Variants in CHD7 observed in about 807,000 individuals in gnomAD.
CHD7 encodes the protein ATP-dependent chromatin remodeler CHD7.
In CHD7, 24 loss-of-function variants were observed where a neutral mutation model predicts 307.3. The ratio of observed to expected loss-of-function variants is 0.08; its 90% CI spans 0.06 to 0.11. CHD7 has a LOEUF of 0.11. CHD7 is among the 10% of genes least tolerant of loss of function. CHD7 has a pLI of 1.00. For synonymous variants in CHD7, 1,363 were observed against 1,349.9 expected, an observed-to-expected ratio of 1.01 and a Z score of -0.21; for missense variants, 3,106 against 3,727.1, an observed-to-expected ratio of 0.83 and a Z score of 4.34.
At position 60,848,562 on chromosome 8, in the gene CHD7, TAGG is replaced by T; in HGVS notation, c.5261_5263del (p.Gly1754del). On this transcript the variant is annotated inframe_deletion, in exon 24 of 38. Transcript: ENST00000423902. ...CTGTACTACCTAAGACAAGAAGTGA[TAGG>T]AGACCAGGCGGATAAGATCTTAGAG... is the stretch of plus-strand genomic sequence containing the variant. 1 of 1,613,800 alleles carries T rather than the reference TAGG, an allele frequency of 6.2e-7. No homozygotes were observed. Among genetic ancestry groups the T allele is most frequent in the Non-Finnish European group, 8.5e-7 (1 of 1,179,792 alleles).
At chr8:60,696,219 G>C (rs184196602) in intron 1 of CHD7, among the ~76,000 whole-genome samples, 249 of 152,214 alleles carry the variant, frequency 1.6e-3, no homozygotes, top group African/African-American at 5.7e-3. Flanking sequence ...CTATGACCAG[G>C]TGTCTACAAC....
chr8:60,854,227 A>G, intron 31 of CHD7, 136 bp from the exon 32 acceptor site: 2 of 680,744 alleles, frequency 2.9e-6, no homozygotes, highest in Non-Finnish European at 4.9e-6. Flanking sequence ...AACAGTGCCC[A>G]ATACCATTCT....
In CHD7 at chr8:60,678,794, G is replaced by GGCGGCGGCGGCGGCA. The variant is rs1563507096; in HGVS notation, c.-449_-448insAGCGGCGGCGGCGGC. The GGCGGCGGCGGCGGCA allele has an allele frequency of 8.7e-5, 7 of 80,126 alleles. No homozygotes were observed. The South Asian group carries it at 1.6e-3, about 19-fold the overall frequency. 5.0% of individuals were successfully genotyped at this position (80,126 alleles called of 1,614,324 possible). A position where few individuals can be genotyped will look rare whatever the true frequency, so the allele number is the denominator to read the frequency against. On this transcript the variant is annotated 5_prime_UTR_variant, in exon 1 of 38. Transcript: ENST00000423902. ...CGGCGGCGGCGGCGGCGGCGGCAGC[G>GGCGGCGGCGGCGGCA]GCGGCGGCGGCGGCGGCGCGGGGGT...
chr8:60,795,126 A>C lies in CHD7; in HGVS notation c.2237A>C (p.Gln746Pro). 6.2e-7 allele frequency: 1 copy of C among 1,610,586 alleles called. No homozygotes were observed. Among genetic ancestry groups the C allele is most frequent in the Non-Finnish European group, 8.5e-7 (1 of 1,178,886 alleles). Residue 746 changes from glutamine to proline, a missense_variant and splice_region_variant, in exon 4 of 38, where the codon CAG becomes CCG. Physicochemically the swap from Gln to Pro is moderately conservative, Grantham distance 76 (BLOSUM62 -1). Coordinates refer to ENST00000423902, the MANE Select transcript of CHD7 (RefSeq NM_017780.4). ...PPEEDEDPGVQKRRSSRQVKR... is the reference protein window; with the variant it reads ...PPEEDEDPGVPKRRSSRQVKR... ...GAAGAAGATGAGGACCCAGGTGTTC[A>C]GGTAATACAATTATTGTGATTCCCG...
In CHD7 at chr8:60,728,129, G is replaced by A. The variant is rs552334115; in HGVS notation, c.-174-13130G>A. On this transcript the variant is annotated intron_variant, in intron 1 of 37. Transcript: ENST00000423902. Reference sequence around the variant, plus strand: ...AAAATGCACAACTCTCTTAAAAAGCGTAGCTTAAAAACTGTGGATTATTTG... The same window carrying A: ...AAAATGCACAACTCTCTTAAAAAGCATAGCTTAAAAACTGTGGATTATTTG... Among the ~76,000 whole-genome samples the A allele has an allele frequency of 1.0e-3, 152 of 152,332 alleles. 1 individual carries two copies. Among genetic ancestry groups the A allele is most frequent in the African/African-American group, 3.2e-3 (133 of 41,580 alleles).
intron 1 of CHD7, among the ~76,000 whole-genome samples, chr8:60,739,233 C>T (rs1472063144): frequency 1.3e-5 from 2 of 152,178 alleles, no homozygotes; most frequent in African/African-American, 4.8e-5. Flanking sequence ...CCCCAGGACA[C>T]ATATGTAGAC....
intron 1 of CHD7, among the ~76,000 whole-genome samples, chr8:60,689,061 A>C (rs1181054770): frequency 6.6e-6 from 1 of 152,226 alleles, no homozygotes; most frequent in Non-Finnish European, 1.5e-5. Context: ...GCCTACTTAG[A>C]ATCTCACTGC....
Position 60,745,266 on chromosome 8 carries a change from T to G in CHD7, c.1665+2169T>G, listed in dbSNP as rs572922791. On this transcript the variant is annotated intron_variant, in intron 2 of 37. Coordinates refer to ENST00000423902, the MANE Select transcript of CHD7 (RefSeq NM_017780.4). ...TTAGAGCAGTGGTTTCTCAGACTTC[T>G]CATTCCGACATCCTCTGTCTTCACC... is the stretch of plus-strand genomic sequence containing the variant. Among the ~76,000 whole-genome samples, 5 of 152,308 alleles carry G rather than the reference T, an allele frequency of 3.3e-5. No individual in the cohort carries two copies. In the South Asian group the frequency reaches 1.0e-3, roughly 32 times the overall value.
chr8:60,781,056 T>G lies in CHD7; in HGVS notation c.1722T>G (p.Ser574Arg). ...CAGTGCCGGATATGACTCAGGTTAG[T>G]GGACCGAATGCTCAGCTAGTGAAGA... is the stretch of plus-strand genomic sequence containing the variant. ...EKPVPDMTQVSGPNAQLVKSD... is the reference protein window; with the variant it reads ...EKPVPDMTQVRGPNAQLVKSD... Residue 574 changes from serine (S) to arginine (R), a missense_variant, in exon 3 of 38, where the codon AGT (serine) becomes AGG (arginine). Physicochemically the swap from Ser to Arg is moderately radical, Grantham distance 110. This residue lies in a region of CHD7 where 998 missense variants were observed against 1,004.5 expected (regional missense o/e 0.99). Transcript: ENST00000423902. The G allele has an allele frequency of 1.2e-6, 2 of 1,609,550 alleles. No individual in the cohort carries two copies. The highest frequency in any genetic ancestry group is 1.7e-6 in the Non-Finnish European group (2 of 1,178,472).
intron 14 of CHD7, among the ~76,000 whole-genome samples, chr8:60,829,848 C>G (rs975879115): frequency 1.1e-4 from 16 of 152,122 alleles, no homozygotes; most frequent in Non-Finnish European, 2.4e-4. Context: ...TATTGCCAAT[C>G]AATAGAAAAG....
At chr8:60,804,440 A>G (rs896370686) in intron 6 of CHD7, among the ~76,000 whole-genome samples, 3 of 151,954 alleles carry the variant, frequency 2.0e-5, no homozygotes, top group African/African-American at 7.3e-5. Context: ...TACAGGACGT[A>G]TTTTCAGAGT....
intron 1 of CHD7, among the ~76,000 whole-genome samples, chr8:60,685,601 A>T (rs1235632250): frequency 6.6e-6 from 1 of 152,232 alleles, no homozygotes; most frequent in Non-Finnish European, 1.5e-5. Flanking sequence ...GTCATACAGA[A>T]GCAAGGAAGG....
At position 60,811,734 on chromosome 8, in the gene CHD7, T is replaced by C. The variant is rs1171904414; in HGVS notation, c.2498+3462T>C. On this transcript the variant is annotated intron_variant, in intron 7 of 37. Transcript: ENST00000423902. ...ACTAGATACAAAAGGCAAACATGTA[T>C]GTATTTTTAAGAGATATTGCCAAAT... Among the ~76,000 whole-genome samples, 35 of 152,238 alleles carry C rather than the reference T, an allele frequency of 2.3e-4. 1 individual carries two copies. Among genetic ancestry groups the C allele is most frequent in the Non-Finnish European group, 2.9e-5 (2 of 68,044 alleles).
chr8:60,746,279 A>T (rs781033471), intron 2 of CHD7, among the ~76,000 whole-genome samples: 1 of 152,262 alleles, frequency 6.6e-6, no homozygotes, highest in Non-Finnish European at 1.5e-5. Flanking sequence ...TATGTAATAC[A>T]GCCTTAGTTA....
chr8:60,775,347 T>TGCTTATTCTACTTTATAA, intron 2 of CHD7, among the ~76,000 whole-genome samples: 1 of 152,240 alleles, frequency 6.6e-6, no homozygotes, highest in South Asian at 2.1e-4. Context: ...CATTCTTATA[T>TGCTTATTCTACTTTATAA]GCTTATACTA....
Position 60,841,631 on chromosome 8 carries a change from T to G in CHD7, c.4534-13T>G, listed in dbSNP as rs114996731. 2,901 of 1,597,992 alleles carry G rather than the reference T, an allele frequency of 1.8e-3. 51 individuals are homozygous for G. In the African/African-American group the frequency reaches 0.035, roughly 19 times the overall value. The stretch of plus-strand genomic sequence containing the variant: ...AGGCCTCTCAAAGTAATGCGTTTCT[T>G]TTTTCTCTTTAGGCCAGTTTTGTTG... On this transcript the variant is annotated splice_polypyrimidine_tract_variant and intron_variant, in intron 19 of 37. Transcript: ENST00000423902.
In CHD7 at chr8:60,772,275, C is replaced by T. The variant is rs777307428; in HGVS notation, c.1666-8725C>T. Among the ~76,000 whole-genome samples the T allele has an allele frequency of 1.1e-4, 17 of 152,142 alleles. No individual in the cohort carries two copies. In the South Asian group the frequency reaches 1.7e-3, roughly 15 times the overall value. On this transcript the variant is annotated intron_variant, in intron 2 of 37. Coordinates refer to ENST00000423902, the MANE Select transcript of CHD7 (RefSeq NM_017780.4). ...GTTTTGTTCCCAATTCTGCACAAACCCCTGGGATTGTTCAGTGTTGCAGAC... is the reference window on the plus strand; with the variant it reads ...GTTTTGTTCCCAATTCTGCACAAACTCCTGGGATTGTTCAGTGTTGCAGAC...
chr8:60,822,177 A>G (rs1804073728), intron 11 of CHD7, 32 bp downstream of exon 11: 2 of 1,582,178 alleles, frequency 1.3e-6, no homozygotes, highest in Non-Finnish European at 1.7e-6. Flanking sequence ...TCACTTTTAA[A>G]TATATCTGTA....
intron 34 of CHD7, among the ~76,000 whole-genome samples, chr8:60,859,746 G>C (rs1805879947): frequency 1.3e-5 from 2 of 152,238 alleles, no homozygotes; most frequent in African/African-American, 4.8e-5. Flanking sequence ...CTGAGGAAGT[G>C]AGCTTCAGCA....
Sources: gnomAD v4.1 joint callset for allele counts (sites outside exome capture counted in the v4.1 genomes callset) on GRCh38, gnomAD v4.1.1 for gene constraint, gnomAD v4.1.1 regional missense constraint, MANE v1.5 for transcripts, NCBI Gene and HGNC (gene_info 2026-07-23, HGNC 2026-07-21) for gene names.